The following TFEC variants were observed in gnomAD, a reference collection of about 807,000 sequenced individuals.
TFEC encodes class E basic helix-loop-helix protein 34.
In TFEC, 31 loss-of-function variants were observed where a neutral mutation model predicts 41.6. The ratio of observed to expected loss-of-function variants is 0.74; its 90% CI spans 0.56 to 1.01. The LOEUF is 1.01. TFEC is among the 50% of genes least tolerant of loss of function. The probability of loss-of-function intolerance (pLI) is 0.00; values close to 1 mark genes in which losing one functional copy is unlikely to be tolerated. For missense variants in TFEC, 402 were observed against 404.1 expected, an observed-to-expected ratio of 0.99 and a Z score of 0.04; for synonymous variants, 143 against 140.6, an observed-to-expected ratio of 1.02 and a Z score of -0.12.
At chr7:116,071,413 G>A (rs1796825028) in intron 3 of TFEC, among the ~76,000 whole-genome samples, 1 of 150,714 alleles carries the variant, frequency 6.6e-6, no homozygotes. Context: ...CAGGTAGATA[G>A]CAATACAGAA....
chr7:116,074,994 G>A (rs559131754), intron 3 of TFEC, among the ~76,000 whole-genome samples: 16 of 152,074 alleles, frequency 1.1e-4, no homozygotes, highest in Non-Finnish European at 1.6e-4. Context: ...TCTCGAAAAC[G>A]TTATGCTTAT....
intron 3 of TFEC, among the ~76,000 whole-genome samples, chr7:116,079,173 C>T (rs1377040521): frequency 6.6e-6 from 1 of 151,998 alleles, no homozygotes; most frequent in Non-Finnish European, 1.5e-5. Flanking sequence ...ATAGAAGGAA[C>T]ATACCTTAAG....
intron 2 of TFEC, among the ~76,000 whole-genome samples, chr7:115,982,775 T>C (rs978559213): frequency 1.3e-5 from 2 of 152,122 alleles, no homozygotes; most frequent in African/African-American, 2.4e-5. Context: ...CAAAGACCAC[T>C]AAAAACATGT....
intron 3 of TFEC, among the ~76,000 whole-genome samples, chr7:116,041,440 T>G (rs1796035073): frequency 6.6e-6 from 1 of 152,132 alleles, no homozygotes; most frequent in Non-Finnish European, 1.5e-5. Flanking sequence ...TTACATATGT[T>G]ATGGAACGCA....
rs368619517 is a variant in TFEC at position 116,102,177 on chromosome 7, T to C, written c.198+8531A>G. 8.5e-5 allele frequency among the ~76,000 whole-genome samples: 13 copies of C among 152,304 alleles called. No individual in the cohort carries two copies. In the East Asian group the frequency reaches 2.5e-3, roughly 29 times the overall value. On this transcript the variant is annotated intron_variant, in intron 3 of 8. Transcript: ENST00000484212. ...TATAGTCTAGCTTAGAAAAGTATAA[T>C]GCGGGAGAAATTGCCTAAGGATCAA...
chr7:115,982,658 G>GA lies in TFEC; in HGVS notation c.180+1603dup, dbSNP rs1013162216. Among the ~76,000 whole-genome samples, 171 of 152,138 alleles carry GA rather than the reference G, an allele frequency of 1.1e-3. 1 individual carries two copies. Among genetic ancestry groups the GA allele is most frequent in the African/African-American group, 3.9e-3 (160 of 41,502 alleles). Reference sequence around the variant, plus strand: ...TAAAATATGATGGTTTAAAAAAATAGAAAAAAATTGTCTATAGCCATTGTT... The same window carrying GA: ...TAAAATATGATGGTTTAAAAAAATAGAAAAAAAATTGTCTATAGCCATTGTT... On this transcript the variant is annotated intron_variant, in intron 2 of 7. Transcript: ENST00000265440.
Position 115,984,287 on chromosome 7 carries a change from T to C in TFEC, c.155A>G (p.Lys52Arg), listed in dbSNP as rs1218025830. ...NPLTKLLAIG[K>R]EDDNAQWHME... The stretch of plus-strand genomic sequence containing the variant: ...ATGCCATTGTGCATTGTCATCTTCT[T>C]TCCCAATAGCTAGTAACTTGGTGAG... Residue 52 changes from lysine to arginine, a missense_variant, in exon 2 of 8, where the codon AAA becomes AGA. Transcript: ENST00000265440. 1 of 1,614,100 alleles carries C rather than the reference T, an allele frequency of 6.2e-7. No homozygotes were observed. Among genetic ancestry groups the C allele is most frequent in the Non-Finnish European group, 8.5e-7 (1 of 1,179,936 alleles).
chr7:116,043,927 C>T (rs1796099035), intron 3 of TFEC, among the ~76,000 whole-genome samples: 1 of 152,184 alleles, frequency 6.6e-6, no homozygotes, highest in Admixed American at 6.5e-5. Flanking sequence ...GAAGACTCTT[C>T]TGGGTGCCAA....
At chr7:116,126,655 C>G (rs1401177926) in intron 1 of TFEC, among the ~76,000 whole-genome samples, 3 of 151,418 alleles carry the variant, frequency 2.0e-5, no homozygotes, top group Non-Finnish European at 4.4e-5. Context: ...TAGGGAGGAG[C>G]GTGGATAGAA....
At chr7:116,151,375 T>C (rs1380915778) in intron 1 of TFEC, among the ~76,000 whole-genome samples, 8 of 151,930 alleles carry the variant, frequency 5.3e-5, no homozygotes, top group Non-Finnish European at 1.2e-4. Flanking sequence ...CCTGAGTAGT[T>C]GGGGCTACAG....
chr7:116,095,479 C>T (rs1194074852), intron 3 of TFEC, among the ~76,000 whole-genome samples: 1 of 152,130 alleles, frequency 6.6e-6, no homozygotes, highest in Non-Finnish European at 1.5e-5. Context: ...AACCCCAAAG[C>T]TTCATATGCA....
chr7:115,944,875 C>T (rs1278660139), intron 6 of TFEC, among the ~76,000 whole-genome samples: 3 of 151,286 alleles, frequency 2.0e-5, no homozygotes, highest in Non-Finnish European at 2.9e-5. Context: ...CAGGGCTTTC[C>T]TATTCTCTTT....
rs1047154832 is a variant in TFEC at position 116,138,400 on chromosome 7, C to T, written c.-69+21390G>A. On this transcript the variant is annotated intron_variant, in intron 1 of 8. Coordinates refer to the TFEC transcript ENST00000484212. The stretch of plus-strand genomic sequence containing the variant: ...TTTTGTCCACTAGATGTCCCCAGTA[C>T]GTCACACAGAAGCTCTGATCTCATA... Among the ~76,000 whole-genome samples, 9 of 152,102 alleles carry T rather than the reference C, an allele frequency of 5.9e-5. No individual in the cohort carries two copies. The South Asian group carries it at 6.2e-4, about 11-fold the overall frequency.
intron 1 of TFEC, among the ~76,000 whole-genome samples, chr7:116,145,960 G>T (rs976785622): frequency 6.6e-6 from 1 of 152,096 alleles, no homozygotes; most frequent in African/African-American, 2.4e-5. Context: ...AAACTGAGAT[G>T]ACAAATTCAA....
At chr7:116,082,164 G>A (rs1305212867) in intron 3 of TFEC, among the ~76,000 whole-genome samples, 3 of 151,840 alleles carry the variant, frequency 2.0e-5, no homozygotes, top group East Asian at 1.9e-4. Context: ...ATGCTTATTC[G>A]ATATTTATAA....
chr7:116,119,228 A>G (rs1408196202), intron 1 of TFEC, among the ~76,000 whole-genome samples: 1 of 151,832 alleles, frequency 6.6e-6, no homozygotes, highest in Non-Finnish European at 1.5e-5. Flanking sequence ...CATGCTACAC[A>G]TTTAAGAAGT....
At chr7:115,951,874 C>A (rs1365492386) in intron 5 of TFEC, among the ~76,000 whole-genome samples, 1 of 152,052 alleles carries the variant, frequency 6.6e-6, no homozygotes, top group Non-Finnish European at 1.5e-5. Flanking sequence ...CTGTATTACT[C>A]TTCTCTAAGA....
At chr7:115,985,986 T>C (rs7800109) in intron 1 of TFEC, among the ~76,000 whole-genome samples, 19,470 of 152,182 alleles carry the variant, frequency 0.13, 1,342 homozygotes, top group Middle Eastern at 0.18. Context: ...ATACCTACAA[T>C]TGGGAAATAG....
In TFEC at chr7:115,937,763, A is replaced by T. The variant is rs1477428476; in HGVS notation, c.*2788T>A. 6.6e-6 allele frequency: 1 copy of T among 151,720 alleles called. No individual in the cohort carries two copies. Among genetic ancestry groups the T allele is most frequent in the Non-Finnish European group, 1.5e-5 (1 of 67,754 alleles). 9.4% of individuals were successfully genotyped at this position (151,720 alleles called of 1,614,324 possible). A position where few individuals can be genotyped will look rare whatever the true frequency, so the allele number is the denominator to read the frequency against. On this transcript the variant is annotated 3_prime_UTR_variant, in exon 8 of 8. Transcript: ENST00000265440. ...CATTGTTATACATGACATTAACCGC[A>T]CACCTAAGAGACCTGATTCAGGAAT...
Sources: gnomAD v4.1 joint callset for allele counts (sites outside exome capture counted in the v4.1 genomes callset) on GRCh38, gnomAD v4.1.1 for gene constraint, MANE v1.5 for transcripts, NCBI Gene and HGNC (gene_info 2026-07-23, HGNC 2026-07-21) for gene names.